Variants in QTGAL observed in about 807,000 individuals in gnomAD.
The protein encoded by QTGAL is queuosine-tRNA galactosyltransferase.
the QTGAL span, among the ~76,000 whole-genome samples, chr17:82,961,646 G>T: frequency 4.6e-5 from 7 of 152,342 alleles, no homozygotes; most frequent in East Asian, 1.2e-3. Context: ...GGCGTGTGGG[G>T]CTGCGGGCAG....
At chr17:82,972,657 T>C in the QTGAL span, among the ~76,000 whole-genome samples, 3 of 70,696 alleles carry the variant, frequency 4.2e-5, no homozygotes, top group Non-Finnish European at 7.3e-5. Flanking sequence ...CACACCACAC[T>C]CATAGGGGCC....
the QTGAL span, among the ~76,000 whole-genome samples, chr17:82,962,573 GTTCCT>G: frequency 8.4e-6 from 1 of 118,416 alleles, no homozygotes; most frequent in African/African-American, 3.0e-5. Flanking sequence ...TAGGGTGGAG[GTTCCT>G]GTGGGTGCTG....
the QTGAL span, among the ~76,000 whole-genome samples, chr17:83,025,625 G>A: frequency 1.1e-5 from 1 of 87,340 alleles, no homozygotes; most frequent in African/African-American, 3.5e-5. Flanking sequence ...ACACCGCGGA[G>A]AGTCCACACA....
the QTGAL span, among the ~76,000 whole-genome samples, chr17:83,039,959 A>G: frequency 2.0e-5 from 3 of 152,306 alleles, no homozygotes; most frequent in East Asian, 3.9e-4. Context: ...AGGCTCTCAC[A>G]TGGGGACATT....
chr17:82,982,346 T>C, the QTGAL span, among the ~76,000 whole-genome samples: 6 of 152,388 alleles, frequency 3.9e-5, no homozygotes, highest in South Asian at 2.1e-4. Flanking sequence ...TTCACACTCA[T>C]GTTATTCAAG....
the QTGAL span, among the ~76,000 whole-genome samples, chr17:82,992,531 T>C: frequency 6.6e-6 from 1 of 152,186 alleles, no homozygotes; most frequent in African/African-American, 2.4e-5. Context: ...TGAGGGATAT[T>C]ATCAACACCA....
At chr17:83,008,062 A>G in the QTGAL span, among the ~76,000 whole-genome samples, 1 of 152,152 alleles carries the variant, frequency 6.6e-6, no homozygotes, top group Non-Finnish European at 1.5e-5. Context: ...GGGAAGAGGC[A>G]CGCTCTCAAG....
At chr17:82,980,811 T>G in the QTGAL span, among the ~76,000 whole-genome samples, 1 of 152,160 alleles carries the variant, frequency 6.6e-6, no homozygotes, top group African/African-American at 2.4e-5. Flanking sequence ...TGTGGTTGCG[T>G]AGCTCGTGGG....
chr17:82,946,890 T>G, the QTGAL span: 1 of 1,557,238 alleles, frequency 6.4e-7, no homozygotes, highest in South Asian at 1.2e-5. Flanking sequence ...TGGGAGCAGC[T>G]GCCATGGGTC....
At chr17:82,942,228 C>T in the QTGAL span, 2 of 602,674 alleles carry the variant, frequency 3.3e-6, no homozygotes, top group South Asian at 4.2e-5. Context: ...GTGAACCTCC[C>T]TTCCCGCTCC....
the QTGAL span, among the ~76,000 whole-genome samples, chr17:82,994,347 T>C: frequency 6.6e-6 from 1 of 152,044 alleles, no homozygotes; most frequent in Non-Finnish European, 1.5e-5. Flanking sequence ...AAGAAATTAG[T>C]GGCTAGTATG....
the QTGAL span, among the ~76,000 whole-genome samples, chr17:82,955,133 TTAAAC>T: frequency 3.9e-5 from 6 of 152,162 alleles, no homozygotes; most frequent in African/African-American, 1.2e-4. Context: ...TGGGATCTAA[TTAAAC>T]TAAGGAGCTT....
the QTGAL span, among the ~76,000 whole-genome samples, chr17:82,980,511 C>A: frequency 6.6e-6 from 1 of 152,220 alleles, no homozygotes; most frequent in Admixed American, 6.5e-5. Flanking sequence ...GGCTGTTTGA[C>A]CCTCCAGCTA....
the QTGAL span, among the ~76,000 whole-genome samples, chr17:83,009,917 AC>A: frequency 2.0e-4 from 28 of 137,998 alleles, no homozygotes; most frequent in Non-Finnish European, 4.0e-4. Flanking sequence ...CTTGGAGTGA[AC>A]GACTTGCCGT....
chr17:83,027,942 C>T, the QTGAL span, among the ~76,000 whole-genome samples: 19 of 151,728 alleles, frequency 1.3e-4, no homozygotes, highest in Non-Finnish European at 2.5e-4. Flanking sequence ...GGGGAAACCC[C>T]ATCTCTACTA....
the QTGAL span, chr17:82,947,325 C>A: frequency 3.5e-6 from 1 of 285,560 alleles, no homozygotes. Flanking sequence ...CCCACCTTCC[C>A]TCCACACACC....
the QTGAL span, among the ~76,000 whole-genome samples, chr17:83,046,548 C>A: frequency 6.6e-6 from 1 of 152,194 alleles, no homozygotes; most frequent in East Asian, 1.9e-4. Context: ...CACCCACTAG[C>A]ATGGCTATAA....
chr17:82,962,163 T>G, the QTGAL span, among the ~76,000 whole-genome samples: 2 of 152,110 alleles, frequency 1.3e-5, no homozygotes, highest in African/African-American at 2.4e-5. Context: ...AAACTTCAAG[T>G]GCAGGTCAGT....
At chr17:83,026,959 G>C in the QTGAL span, among the ~76,000 whole-genome samples, 7 of 145,190 alleles carry the variant, frequency 4.8e-5, no homozygotes, top group African/African-American at 1.3e-4. Context: ...GACACACAGA[G>C]CGGGGCAGGG....
Sources: allele counts gnomAD v4.1 joint callset (sites outside exome capture counted in the v4.1 genomes callset), GRCh38; gene constraint gnomAD v4.1.1; transcripts MANE v1.5; gene names NCBI Gene and HGNC (gene_info 2026-07-23, HGNC 2026-07-21).